Variants in POLD2 observed in about 807,000 individuals in gnomAD.
POLD2 encodes DNA polymerase delta subunit 2.
Under a neutral mutation model 48.8 loss-of-function variants are expected in POLD2, and 31 were observed. The ratio of observed to expected loss-of-function variants is 0.64; its 90% CI spans 0.48 to 0.86. The LOEUF (loss-of-function observed/expected upper bound fraction) is 0.86. POLD2 is among the 40% of genes least tolerant of loss of function. POLD2 has a pLI of 0.00. For missense variants in POLD2, 455 were observed against 610.1 expected (o/e 0.75, Z 2.68); for synonymous variants, 233 against 256.3 (o/e 0.91, Z 0.87).
intron 2 of POLD2, among the ~76,000 whole-genome samples, chr7:44,118,657 C>T (rs1244215756): frequency 2.0e-5 from 3 of 151,838 alleles, no homozygotes; most frequent in South Asian, 2.1e-4. Flanking sequence ...GGACTACAGG[C>T]GTGTGCCACC....
chr7:44,123,527 T>C lies in POLD2; in HGVS notation c.-73A>G, dbSNP rs2096251262. The stretch of plus-strand genomic sequence containing the variant: ...CCCACTCACCGCGCGGCGCGCCGCA[T>C]CCCGCCAATCCCCGCGCGCCTGCCC... On this transcript the variant is annotated 5_prime_UTR_variant, in exon 1 of 11. It removes an upstream start codon present in the reference 5' UTR. Coordinates refer to ENST00000610533, the MANE Select transcript of POLD2 (RefSeq NM_006230.4). 2 of 1,479,302 alleles carry C rather than the reference T, an allele frequency of 1.4e-6. No individual in the cohort carries two copies. Among genetic ancestry groups the C allele is most frequent in the Non-Finnish European group, 8.9e-7 (1 of 1,122,348 alleles). 91.6% of individuals were successfully genotyped at this position (1,479,302 alleles called of 1,614,324 possible).
At chr7:44,122,289 C>T (rs945985652) in intron 1 of POLD2, 180 bp from the exon 2 acceptor site, 6 of 1,401,408 alleles carry the variant, frequency 4.3e-6, no homozygotes, top group Middle Eastern at 2.6e-4. Flanking sequence ...CACCCTGTAG[C>T]GGTCATCCAA....
chr7:44,122,384 A>G, intron 1 of POLD2: 4 of 1,187,076 alleles, frequency 3.4e-6, no homozygotes, highest in Non-Finnish European at 4.2e-6. Flanking sequence ...CCATCTGGAC[A>G]ACTACCAGGG....
chr7:44,118,678 A>G (rs62460067), intron 2 of POLD2, among the ~76,000 whole-genome samples: 6 of 145,720 alleles, frequency 4.1e-5, no homozygotes, highest in African/African-American at 1.5e-4. Context: ...ACGCCCAGCT[A>G]ATTTTTTTTT....
At chr7:44,117,507 G>T in intron 4 of POLD2, 112 bp downstream of exon 4, 1 of 1,337,910 alleles carries the variant, frequency 7.5e-7, no homozygotes, top group Non-Finnish European at 1.0e-6. Context: ...ACACACGTGT[G>T]CCCAGGCCAC....
intron 1 of POLD2, chr7:44,122,317 T>C (rs2096249413): frequency 7.3e-7 from 1 of 1,372,858 alleles, no homozygotes; most frequent in South Asian, 1.8e-5. Context: ...AAAGGAAAGC[T>C]AGGAGTGTTT....
In POLD2 at chr7:44,114,975, A is replaced by G. The variant is rs768836238; in HGVS notation, c.1250-30T>C. ...AAAGAAGTCACATAGGACCCACTGT[A>G]GGTTCCAAGTAAGTCCTGCCTCAAA... On this transcript the variant is annotated intron_variant, in intron 10 of 10. Transcript: ENST00000610533. 3 of 1,575,470 alleles carry G rather than the reference A, an allele frequency of 1.9e-6. No individual in the cohort carries two copies. The Admixed American group carries it at 5.4e-5, about 28-fold the overall frequency.
rs144562659 is a variant in POLD2, at chr7:44,117,635, C to T, written c.450G>A (p.Val150=). Residue 150 remains valine (V), a synonymous_variant, in exon 4 of 11, where the codon GTG becomes GTA. Transcript: ENST00000610533. ...GCTCCCTACCCGTAACCAGCTTTGA[C>T]ACGTCAATGGTGCCTTTTAGTTTGA... is the stretch of plus-strand genomic sequence containing the variant. ...QRIKLKGTID[V]SKLVTGTVLA... 5.0e-6 allele frequency: 8 copies of T among 1,606,482 alleles called. No individual in the cohort carries two copies. In the South Asian group the frequency reaches 8.9e-5, roughly 18 times the overall value.
chr7:44,116,720 GACCTC>G lies in POLD2; in HGVS notation c.780+92_780+96del. 1 of 1,369,436 alleles carries G rather than the reference GACCTC, an allele frequency of 7.3e-7. No homozygotes were observed. Among genetic ancestry groups the G allele is most frequent in the Non-Finnish European group, 1.0e-6 (1 of 978,378 alleles). 84.8% of individuals were successfully genotyped at this position (1,369,436 alleles called of 1,614,324 possible). The stretch of plus-strand genomic sequence containing the variant: ...CAGGGCGCTTCCCACCGACCTGCGA[GACCTC>G]ACAGGGTACCCTACTCGCCCTGGGG... On this transcript the variant is annotated intron_variant, in intron 6 of 10. Coordinates refer to ENST00000610533, the MANE Select transcript of POLD2 (RefSeq NM_006230.4). This position sits in a 1 kb window ranked among gnomAD's most constrained non-coding sequence, Gnocchi z 6.1.
chr7:44,117,980 G>T lies in POLD2; in HGVS notation c.305C>A (p.Pro102Gln), dbSNP rs546429678. 11 of 1,614,168 alleles carry T rather than the reference G, an allele frequency of 6.8e-6. No homozygotes were observed. In the South Asian group the frequency reaches 1.1e-4, roughly 16 times the overall value. Residue 102 changes from proline to glutamine, a missense_variant, in exon 3 of 11, where the codon CCG (proline) becomes CAG (glutamine). This residue lies in a region of POLD2 where 349 missense variants were observed against 437.4 expected (regional missense o/e 0.80). Transcript: ENST00000610533. ...CTCCCGCAGGATGGAGGGCTGCAGC[G>T]GCATGGCCTTGAACAGAGTGCCCAC... ...CVVGTLFKAMPLQPSILREVS... is the reference protein window; with the variant it reads ...CVVGTLFKAMQLQPSILREVS...
intron 1 of POLD2, chr7:44,122,455 G>A (rs1025129088): frequency 1.4e-5 from 15 of 1,046,060 alleles, no homozygotes; most frequent in East Asian, 8.0e-5. Flanking sequence ...CCAGCTCTCC[G>A]GCACCTGTCT....
upstream of POLD2, chr7:44,124,224 A>T (rs148242051): frequency 8.9e-3 from 1,318 of 148,538 alleles, 9 homozygotes; most frequent in Non-Finnish European, 0.013. Context: ...CGTTCTTACC[A>T]CCACGTCTTT....
rs546567488 is a variant in POLD2 at position 44,117,519 on chromosome 7, C to T, written c.466+100G>A. 36 of 1,409,436 alleles carry T rather than the reference C, an allele frequency of 2.6e-5. 1 individual carries two copies. The highest frequency in any genetic ancestry group is 3.2e-5 in the Non-Finnish European group (33 of 1,031,056). 87.3% of individuals were successfully genotyped at this position (1,409,436 alleles called of 1,614,324 possible). ...AGAACACACGTGTGCCCAGGCCACA[C>T]CCCCCCACTCCCCCCAGGCTCCCCA... On this transcript the variant is annotated intron_variant, in intron 4 of 10. Transcript: ENST00000610533.
At chr7:44,122,950 G>GGA (rs2096250194) in intron 1 of POLD2, 1 of 153,548 alleles carries the variant, frequency 6.5e-6, no homozygotes, top group African/African-American at 2.4e-5. Flanking sequence ...ATAAGCTCCA[G>GGA]GAGAGCTGAG....
intron 2 of POLD2, among the ~76,000 whole-genome samples, chr7:44,119,363 C>T (rs938966686): frequency 6.6e-6 from 1 of 152,158 alleles, no homozygotes; most frequent in Admixed American, 6.5e-5. Flanking sequence ...GACTCCAGCA[C>T]AGCCTGAGCC....
At position 44,116,741 on chromosome 7, in the gene POLD2, C is replaced by T. The variant is rs1001100722; in HGVS notation, c.780+76G>A. The T allele has an allele frequency of 1.4e-4, 215 of 1,504,144 alleles. 1 individual carries two copies. The highest frequency in any genetic ancestry group is 1.8e-4 in the Non-Finnish European group (194 of 1,088,660). 93.2% of individuals were successfully genotyped at this position (1,504,144 alleles called of 1,614,324 possible). On this transcript the variant is annotated intron_variant, in intron 6 of 10. Transcript: ENST00000610533. The surrounding 1 kb of genome is among the most constrained non-coding windows in gnomAD (Gnocchi z 6.1). ...GCGAGACCTCACAGGGTACCCTACT[C>T]GCCCTGGGGAAGGAGGGTCTTACAG...
rs754040297 is a variant in POLD2, at chr7:44,115,899, A to T, written c.1020-6T>A. ...GTCCTGATGTCCCCAAAAATCTGCA[A>T]GGCAAAGCTCAGCTGACTCTTGGCT... On this transcript the variant is annotated splice_polypyrimidine_tract_variant and splice_region_variant and intron_variant, in intron 8 of 10. Transcript: ENST00000610533. The T allele has an allele frequency of 5.6e-6, 9 of 1,614,120 alleles. No individual in the cohort carries two copies. The highest frequency in any genetic ancestry group is 7.6e-6 in the Non-Finnish European group (9 of 1,180,034).
At chr7:44,124,262 ACTT>A (rs975633134), upstream of POLD2, 1 of 132,364 alleles carries the variant, frequency 7.6e-6, no homozygotes. Context: ...CTTTGGGAAT[ACTT>A]TTTTTTTTTT....
upstream of POLD2, chr7:44,123,627 C>T (rs2096251442): frequency 2.9e-6 from 4 of 1,397,036 alleles, no homozygotes; most frequent in Non-Finnish European, 3.7e-6. Context: ...CGCTGCCCTC[C>T]TCGCCCCGTC....
Sources: allele counts gnomAD v4.1 joint callset (sites outside exome capture counted in the v4.1 genomes callset), GRCh38; gene constraint gnomAD v4.1.1; regional missense constraint gnomAD v4.1.1; non-coding constraint Gnocchi (gnomAD v3.1); transcripts MANE v1.5; gene names NCBI Gene and HGNC (gene_info 2026-07-23, HGNC 2026-07-21).